The following FBXL2 variants were observed in gnomAD, a reference collection of about 807,000 sequenced individuals.
The protein encoded by FBXL2 is F-box/LRR-repeat protein 2.
Under a neutral mutation model 69.2 loss-of-function variants are expected in FBXL2, and 38 were observed. The observed-to-expected ratio is 0.55, with a 90% CI of 0.42 to 0.72. FBXL2 has a LOEUF of 0.72. Ranked by LOEUF, FBXL2 falls within the 30% of genes least tolerant of loss-of-function variation. The pLI, the probability that FBXL2 is intolerant of heterozygous loss-of-function variation, is 0.00. For synonymous variants in FBXL2, 192 were observed against 201.3 expected, an observed-to-expected ratio of 0.95 and a Z score of 0.39; for missense variants, 354 against 520.3, an observed-to-expected ratio of 0.68 and a Z score of 3.11.
downstream of FBXL2, among the ~76,000 whole-genome samples, chr3:33,405,440 T>TC (rs1281116055): frequency 6.6e-6 from 1 of 152,238 alleles, no homozygotes; most frequent in East Asian, 1.9e-4. Flanking sequence ...GAACATTGCC[T>TC]CCTTTGCAGC....
the FBXL2 span, among the ~76,000 whole-genome samples, chr3:33,412,992 C>T: frequency 5.9e-5 from 9 of 152,104 alleles, no homozygotes; most frequent in East Asian, 1.9e-4. Context: ...ACCTGGATTA[C>T]GGTACAATTA....
At chr3:33,417,244 G>A in the FBXL2 span, among the ~76,000 whole-genome samples, 4 of 151,990 alleles carry the variant, frequency 2.6e-5, no homozygotes, top group Admixed American at 1.3e-4. Flanking sequence ...TAGAACACTC[G>A]CATCATCCTA....
the FBXL2 span, among the ~76,000 whole-genome samples, chr3:33,413,642 TAGGC>T: frequency 6.6e-6 from 1 of 151,172 alleles, no homozygotes; most frequent in African/African-American, 2.4e-5. Context: ...AAAGTGAACT[TAGGC>T]CAGGTGCGGT....
intron 5 of FBXL2, among the ~76,000 whole-genome samples, chr3:33,367,228 C>A (rs908098842): frequency 2.6e-5 from 4 of 152,030 alleles, no homozygotes; most frequent in African/African-American, 9.7e-5. Context: ...ATTACAGTCA[C>A]CCACCACCAT....
At position 33,402,121 on chromosome 3, in the gene FBXL2, TAAA is replaced by T. The variant is rs563377424; in HGVS notation, n.1215-1110_1215-1108del. On this transcript the variant is annotated intron_variant and non_coding_transcript_variant, in intron 12 of 12. Transcript: ENST00000463736. ...TTTTCCTCCCCAACAAGAAACTTCC[TAAA>T]AATAGGGAACTTCTGATGCTAACTA... is the stretch of plus-strand genomic sequence containing the variant. 5.4e-3 allele frequency among the ~76,000 whole-genome samples: 815 copies of T among 152,280 alleles called. 4 individuals carry two copies. Among genetic ancestry groups the T allele is most frequent in the Middle Eastern group, 6.8e-3 (2 of 294 alleles).
chr3:33,356,653 G>C (rs1230694328), intron 2 of FBXL2, among the ~76,000 whole-genome samples: 1 of 151,872 alleles, frequency 6.6e-6, no homozygotes, highest in East Asian at 1.9e-4. Context: ...CATCCTGCTC[G>C]AGTTTCTAAA....
At chr3:33,408,735 C>G in the FBXL2 span, 1 of 1,613,988 alleles carries the variant, frequency 6.2e-7, no homozygotes, top group Non-Finnish European at 8.5e-7. Flanking sequence ...CTGGCAAAGT[C>G]CGCTTGCTGG....
At chr3:33,408,636 C>G, downstream of FBXL2, 1 of 1,502,348 alleles carries the variant, frequency 6.7e-7, no homozygotes. Context: ...GGTCCTATAT[C>G]TAACACTGCA....
At chr3:33,337,481 A>G (rs895003351) in intron 2 of FBXL2, among the ~76,000 whole-genome samples, 1 of 152,212 alleles carries the variant, frequency 6.6e-6, no homozygotes, top group African/African-American at 2.4e-5. Flanking sequence ...TAAGAAGACC[A>G]ACAATACCAA....
the FBXL2 span, among the ~76,000 whole-genome samples, chr3:33,411,880 G>C: frequency 6.7e-6 from 1 of 150,016 alleles, no homozygotes. Flanking sequence ...ACCATGGTTT[G>C]TATTTCATTT....
chr3:33,384,313 C>T (rs1048942491), intron 14 of FBXL2, 112 bp downstream of exon 14: 1 of 1,054,082 alleles, frequency 9.5e-7, no homozygotes, highest in Non-Finnish European at 1.4e-6. Context: ...GTAATCCCAA[C>T]ACTTTCAGAA....
Position 33,385,679 on chromosome 3 carries a change from C to G in FBXL2, c.*71C>G. On this transcript the variant is annotated 3_prime_UTR_variant, in exon 15 of 15. Coordinates refer to ENST00000484457, the MANE Select transcript of FBXL2 (RefSeq NM_012157.5). Reference sequence around the variant, plus strand: ...AGAAGACCTGAGTCTTCCTGACCGACTCCACCATCACCCAATCTGTTGATT... The same window carrying G: ...AGAAGACCTGAGTCTTCCTGACCGAGTCCACCATCACCCAATCTGTTGATT... 1 of 1,196,368 alleles carries G rather than the reference C, an allele frequency of 8.4e-7. No individual in the cohort carries two copies. Among genetic ancestry groups the G allele is most frequent in the Non-Finnish European group, 1.2e-6 (1 of 804,788 alleles). The allele number at this position is 1,196,368 out of a possible 1,614,324, so 74.1% of individuals were successfully genotyped here.
chr3:33,359,281 A>T lies in FBXL2; in HGVS notation c.121-2A>T. 1 of 1,609,476 alleles carries T rather than the reference A, an allele frequency of 6.2e-7. No individual in the cohort carries two copies. The highest frequency in any genetic ancestry group is 8.5e-7 in the Non-Finnish European group (1 of 1,177,100). ...CCTCTTCCTTTACCTCCCACCTTCCAGGCTTGGAACATCTTAGCCCTGGAT... is the reference window on the plus strand; with the variant it reads ...CCTCTTCCTTTACCTCCCACCTTCCTGGCTTGGAACATCTTAGCCCTGGAT... On this transcript the variant is annotated splice_acceptor_variant, in intron 3 of 14. Transcript: ENST00000484457. LOFTEE classifies it high-confidence loss of function.
chr3:33,342,925 AG>A (rs1368065148), intron 2 of FBXL2, among the ~76,000 whole-genome samples: 4 of 114,538 alleles, frequency 3.5e-5, no homozygotes, highest in African/African-American at 1.4e-4. Flanking sequence ...TATTTTTAGT[AG>A]AGACGGGGTT....
intron 2 of FBXL2, among the ~76,000 whole-genome samples, chr3:33,332,036 T>A (rs182379666): frequency 6.6e-6 from 1 of 151,742 alleles, no homozygotes. Context: ...AATATATAAA[T>A]CACCAAATTG....
At chr3:33,350,607 G>T (rs1256225450) in intron 2 of FBXL2, among the ~76,000 whole-genome samples, 1 of 151,712 alleles carries the variant, frequency 6.6e-6, no homozygotes, top group Non-Finnish European at 1.5e-5. Flanking sequence ...TAATTTTTTT[G>T]TATTTTTTAG....
chr3:33,415,781 A>G, the FBXL2 span, among the ~76,000 whole-genome samples: 11 of 151,878 alleles, frequency 7.2e-5, no homozygotes, highest in African/African-American at 2.7e-4. Flanking sequence ...ACAAAGAAAG[A>G]CAAAAACAGA....
At chr3:33,330,274 A>G (rs1227048141) in intron 2 of FBXL2, among the ~76,000 whole-genome samples, 1 of 145,970 alleles carries the variant, frequency 6.9e-6, no homozygotes, top group Non-Finnish European at 1.5e-5. Flanking sequence ...ATGGAGCAAG[A>G]CATTGTCCAA....
intron 1 of FBXL2, among the ~76,000 whole-genome samples, chr3:33,290,666 G>C (rs900475539): frequency 9.9e-5 from 15 of 152,254 alleles, no homozygotes; most frequent in Non-Finnish European, 1.9e-4. Flanking sequence ...TAAACTTAGG[G>C]ACAGATCAAT....
Sources: allele counts gnomAD v4.1 joint callset (sites outside exome capture counted in the v4.1 genomes callset), GRCh38; gene constraint gnomAD v4.1.1; transcripts MANE v1.5; gene names NCBI Gene and HGNC (gene_info 2026-07-23, HGNC 2026-07-21).